Variants in SCFD2 observed in about 807,000 individuals in gnomAD.
SCFD2 encodes sec1 family domain-containing protein 2.
Under a neutral mutation model 58.9 loss-of-function variants are expected in SCFD2, and 54 were observed. That is an observed-to-expected ratio of 0.92 (90% CI 0.74 to 1.15). The LOEUF is 1.15. SCFD2 is among the 50% of genes most tolerant of loss of function. SCFD2 has a pLI of 0.00. For missense variants in SCFD2, 805 were observed against 836.6 expected (o/e 0.96, Z 0.47); for synonymous variants, 321 against 335.9 (o/e 0.96, Z 0.49).
chr4:53,160,658 T>C (rs1384345075), intron 4 of SCFD2, among the ~76,000 whole-genome samples: 3 of 152,074 alleles, frequency 2.0e-5, no homozygotes, highest in Non-Finnish European at 4.4e-5. Context: ...TAGAATTAAT[T>C]GAAGGATTCT....
Position 52,982,058 on chromosome 4 carries a change from G to A in SCFD2, c.1562-61188C>T, listed in dbSNP as rs555254710. On this transcript the variant is annotated intron_variant, in intron 5 of 8. Transcript: ENST00000401642. ...GGAATGGATCAAGGATGACTCTTAT[G>A]TTTCTGGTGTGGGTGGATAATGGTA... Among the ~76,000 whole-genome samples the A allele has an allele frequency of 5.3e-5, 8 of 152,290 alleles. No homozygotes were observed. In the East Asian group the frequency reaches 7.7e-4, roughly 15 times the overall value.
chr4:53,301,347 T>G (rs920866753), intron 3 of SCFD2, among the ~76,000 whole-genome samples: 1 of 152,152 alleles, frequency 6.6e-6, no homozygotes, highest in African/African-American at 2.4e-5. Context: ...CTAGAAAATC[T>G]AGAAGAAATG....
intron 5 of SCFD2, among the ~76,000 whole-genome samples, chr4:53,010,310 T>C (rs886456340): frequency 6.6e-6 from 1 of 152,276 alleles, no homozygotes; most frequent in African/African-American, 2.4e-5. Flanking sequence ...AACTATTTTC[T>C]ATGAACTGTT....
chr4:53,324,858 G>A (rs1157013504), intron 2 of SCFD2, among the ~76,000 whole-genome samples: 4 of 152,152 alleles, frequency 2.6e-5, no homozygotes, highest in Non-Finnish European at 1.5e-5. Context: ...TAGACTCCAG[G>A]TGCCAGAGCA....
At chr4:52,965,244 C>G (rs1394928402) in intron 5 of SCFD2, among the ~76,000 whole-genome samples, 1 of 152,076 alleles carries the variant, frequency 6.6e-6, no homozygotes, top group African/African-American at 2.4e-5. Context: ...AAAGCCCCCC[C>G]GCAAAAAATG....
chr4:53,076,423 T>C (rs888381264), intron 5 of SCFD2, among the ~76,000 whole-genome samples: 3 of 152,124 alleles, frequency 2.0e-5, no homozygotes, highest in African/African-American at 7.2e-5. Context: ...GTTACCATCC[T>C]GCAAGGCCCA....
chr4:53,155,608 A>G (rs556336914), intron 4 of SCFD2, among the ~76,000 whole-genome samples: 1 of 152,348 alleles, frequency 6.6e-6, no homozygotes, highest in East Asian at 1.9e-4. Flanking sequence ...CAGGCAATTC[A>G]GCTGTATCCA....
intron 4 of SCFD2, among the ~76,000 whole-genome samples, chr4:53,239,272 G>T (rs1729805457): frequency 6.6e-6 from 1 of 152,072 alleles, no homozygotes. Flanking sequence ...GTCAGGCAGG[G>T]AGGTTGCAGT....
At chr4:53,241,527 C>A (rs1339415065) in intron 4 of SCFD2, among the ~76,000 whole-genome samples, 1 of 152,196 alleles carries the variant, frequency 6.6e-6, no homozygotes, top group African/African-American at 2.4e-5. Flanking sequence ...CCATACCTGA[C>A]CAGCAGCGTG....
At chr4:53,115,677 G>A (rs916896948) in intron 5 of SCFD2, among the ~76,000 whole-genome samples, 1 of 152,122 alleles carries the variant, frequency 6.6e-6, no homozygotes, top group African/African-American at 2.4e-5. Flanking sequence ...TTACTGACAA[G>A]TGGATATGGG....
At chr4:53,059,445 C>T (rs1723441858) in intron 5 of SCFD2, among the ~76,000 whole-genome samples, 1 of 152,122 alleles carries the variant, frequency 6.6e-6, no homozygotes, top group Admixed American at 6.6e-5. Context: ...AGAGATGTTA[C>T]GTATCCAAGG....
chr4:53,178,274 A>G (rs1404024243), intron 4 of SCFD2, among the ~76,000 whole-genome samples: 1 of 152,192 alleles, frequency 6.6e-6, no homozygotes, highest in Non-Finnish European at 1.5e-5. Context: ...GACACCTCAC[A>G]CAGCCGGGTA....
At position 53,365,228 on chromosome 4, in the gene SCFD2, A is replaced by G. The variant is rs1734660067; in HGVS notation, c.714T>C (p.Ala238=). 1 of 1,614,074 alleles carries G rather than the reference A, an allele frequency of 6.2e-7. No homozygotes were observed. ...CGATGACCTGACTTAAGGAACCTACAGCAAAACACTCCTCCCGTACTCCTA... is the reference window on the plus strand; with the variant it reads ...CGATGACCTGACTTAAGGAACCTACGGCAAAACACTCCTCCCGTACTCCTA... ...EHLGVREECF[A]VGSLSQVIAA... is the part of the protein sequence containing the mutation. Residue 238 remains alanine (A), a synonymous_variant, in exon 1 of 9, where the codon GCT becomes GCC. Coordinates refer to ENST00000401642, the MANE Select transcript of SCFD2 (RefSeq NM_152540.4). This position sits in a 1 kb window ranked among gnomAD's most constrained non-coding sequence, Gnocchi z 4.3.
chr4:53,082,411 G>C (rs1427354969), intron 5 of SCFD2, among the ~76,000 whole-genome samples: 1 of 152,076 alleles, frequency 6.6e-6, no homozygotes, highest in Non-Finnish European at 1.5e-5. Context: ...TTATAAAGTG[G>C]TATCTCATTG....
intron 3 of SCFD2, among the ~76,000 whole-genome samples, chr4:53,303,382 C>G (rs1303109953): frequency 1.3e-5 from 2 of 152,128 alleles, no homozygotes; most frequent in African/African-American, 4.8e-5. Context: ...CAGAGAAATG[C>G]AAATCAAAAC....
At chr4:53,135,871 T>C (rs1725922919) in intron 5 of SCFD2, among the ~76,000 whole-genome samples, 1 of 152,204 alleles carries the variant, frequency 6.6e-6, no homozygotes, top group Admixed American at 6.5e-5. Flanking sequence ...TAACCTACTT[T>C]ACTTATTTAT....
chr4:52,934,821 A>G (rs1720095005), intron 5 of SCFD2, among the ~76,000 whole-genome samples: 1 of 152,224 alleles, frequency 6.6e-6, no homozygotes, highest in Non-Finnish European at 1.5e-5. Context: ...GAGGATACAA[A>G]TCAATGTGTT....
At chr4:53,329,701 A>G (rs1020564107) in intron 2 of SCFD2, among the ~76,000 whole-genome samples, 1 of 152,194 alleles carries the variant, frequency 6.6e-6, no homozygotes, top group Non-Finnish European at 1.5e-5. Context: ...TCCTCCTCCA[A>G]AGGAACGCAG....
intron 4 of SCFD2, among the ~76,000 whole-genome samples, chr4:53,167,733 C>T (rs1727051262): frequency 7.2e-6 from 1 of 138,738 alleles, no homozygotes; most frequent in South Asian, 2.5e-4. Context: ...AGTAATTATA[C>T]TGTCCACCAA....
Sources: allele counts gnomAD v4.1 joint callset (sites outside exome capture counted in the v4.1 genomes callset), GRCh38; gene constraint gnomAD v4.1.1; non-coding constraint Gnocchi (gnomAD v3.1); transcripts MANE v1.5; gene names NCBI Gene and HGNC (gene_info 2026-07-23, HGNC 2026-07-21).